The following KCNMA1 variants were observed in gnomAD, a reference collection of about 807,000 sequenced individuals.
The protein encoded by KCNMA1 is potassium calcium-activated channel subfamily M alpha 1.
In KCNMA1, 29 loss-of-function variants were observed where a neutral mutation model predicts 140.0. The observed-to-expected ratio is 0.21, with a 90% CI of 0.15 to 0.28. KCNMA1 has a LOEUF of 0.28. Among genes scored for constraint, KCNMA1 ranks in the 10% least tolerant of loss-of-function variants. The pLI, the probability that KCNMA1 is intolerant of heterozygous loss-of-function variation, is 1.00. For missense variants in KCNMA1, 880 were observed against 1,602.2 expected (o/e 0.55, Z 7.70); for synonymous variants, 612 against 611.9 (o/e 1.00, Z 0.00).
chr10:77,310,442 T>A (rs1367144758), intron 2 of KCNMA1, among the ~76,000 whole-genome samples: 2 of 152,176 alleles, frequency 1.3e-5, no homozygotes, highest in African/African-American at 4.8e-5. Flanking sequence ...CCAGATACCA[T>A]CTTAGGCACA....
intron 1 of KCNMA1, among the ~76,000 whole-genome samples, chr10:77,496,553 C>T (rs1178278987): frequency 4.9e-5 from 7 of 142,160 alleles, no homozygotes; most frequent in Admixed American, 3.7e-4. Flanking sequence ...GCCAAGATTG[C>T]GCCACTGCAC....
Position 77,636,193 on chromosome 10 carries a change from ACT to A in KCNMA1, c.378+1070_378+1071del, listed in dbSNP as rs2093703313. On this transcript the variant is annotated intron_variant, in intron 1 of 27. Coordinates refer to ENST00000286628, the MANE Select transcript of KCNMA1 (RefSeq NM_001161352.2). ...TACTCAGAAAGAAGGCAGCTGGCTC[ACT>A]CTCTTTTTTCCAGTTCTTTCTTTTT... 1.3e-5 allele frequency: 19 copies of A among 1,423,110 alleles called. No homozygotes were observed. The South Asian group carries it at 2.8e-4, about 21-fold the overall frequency. The allele number at this position is 1,423,110 out of a possible 1,614,324, so 88.2% of individuals were successfully genotyped here. A position where few individuals can be genotyped will look rare whatever the true frequency, so the allele number is the denominator to read the frequency against.
intron 22 of KCNMA1, 66 bp from the exon 23 acceptor site, chr10:76,945,031 G>GA: frequency 1.9e-5 from 25 of 1,290,706 alleles, no homozygotes; most frequent in Non-Finnish European, 2.6e-5. Flanking sequence ...GAGAGAGAGA[G>GA]GAGCAAAAGT....
Position 77,403,968 on chromosome 10 carries a change from A to G in KCNMA1, c.434T>C (p.Val145Ala). ...GGCCACTGCCTCCTCTTTTTCATCC[A>G]CTGGTTTGAGAGTGCCATCCGCCTG... ...SSQADGTLKPVDEKEEAVAAE... is the reference protein window; with the variant it reads ...SSQADGTLKPADEKEEAVAAE... The change falls in exon 2 of 28, where the codon GTG (valine) becomes GCG (alanine). Residue 145 changes from valine to alanine, a missense_variant. Coordinates refer to ENST00000286628, the MANE Select transcript of KCNMA1 (RefSeq NM_001161352.2). 1 of 1,613,988 alleles carries G rather than the reference A, an allele frequency of 6.2e-7. No individual in the cohort carries two copies. Among genetic ancestry groups the G allele is most frequent in the African/African-American group, 1.3e-5 (1 of 74,984 alleles).
At chr10:76,968,861 A>G (rs1169891898) in intron 20 of KCNMA1, among the ~76,000 whole-genome samples, 1 of 152,158 alleles carries the variant, frequency 6.6e-6, no homozygotes, top group Non-Finnish European at 1.5e-5. Context: ...GCCCTTGCCT[A>G]TTTTCCAGAA....
chr10:77,329,038 C>T (rs535879692), intron 2 of KCNMA1, among the ~76,000 whole-genome samples: 1 of 152,136 alleles, frequency 6.6e-6, no homozygotes, highest in South Asian at 2.1e-4. Context: ...GACAGGGTTT[C>T]ACCATGTTAA....
chr10:77,402,014 A>T (rs1469351657), intron 2 of KCNMA1, among the ~76,000 whole-genome samples: 4 of 152,244 alleles, frequency 2.6e-5, no homozygotes, highest in Non-Finnish European at 5.9e-5. Flanking sequence ...AACTCTTGCA[A>T]TGCTGATGAA....
Position 77,321,364 on chromosome 10 carries a change from A to T in KCNMA1, c.541-70108T>A, listed in dbSNP as rs1018990909. Among the ~76,000 whole-genome samples the T allele has an allele frequency of 3.9e-5, 6 of 152,352 alleles. No homozygotes were observed. In the East Asian group the frequency reaches 1.2e-3, roughly 29 times the overall value. On this transcript the variant is annotated intron_variant, in intron 2 of 27. Coordinates refer to ENST00000286628, the MANE Select transcript of KCNMA1 (RefSeq NM_001161352.2). The stretch of plus-strand genomic sequence containing the variant: ...TGCCATACCCAGAGGAGAAAGCATC[A>T]GATTAGGTAACTCTGCTTAGTGGTA...
At chr10:77,386,073 C>T (rs1418871734) in intron 2 of KCNMA1, among the ~76,000 whole-genome samples, 2 of 152,198 alleles carry the variant, frequency 1.3e-5, no homozygotes, top group Non-Finnish European at 2.9e-5. Flanking sequence ...AAACAAGTTC[C>T]AAGGAGCACT....
At chr10:77,362,039 G>A (rs1422561440) in intron 2 of KCNMA1, among the ~76,000 whole-genome samples, 2 of 152,140 alleles carry the variant, frequency 1.3e-5, no homozygotes, top group Non-Finnish European at 2.9e-5. Context: ...GTGGCTGCTG[G>A]CAGTTGATAG....
At chr10:77,443,411 C>T (rs1228425563) in intron 1 of KCNMA1, among the ~76,000 whole-genome samples, 1 of 152,076 alleles carries the variant, frequency 6.6e-6, no homozygotes, top group Non-Finnish European at 1.5e-5. Context: ...GAAAATTATT[C>T]TTAGGCTGGG....
chr10:77,561,237 T>G (rs1013346984), intron 1 of KCNMA1, among the ~76,000 whole-genome samples: 1 of 152,170 alleles, frequency 6.6e-6, no homozygotes, highest in Non-Finnish European at 1.5e-5. Context: ...CTGGATGGTA[T>G]AGTAGTTATC....
chr10:77,605,933 G>A (rs1293579184), intron 1 of KCNMA1, among the ~76,000 whole-genome samples: 2 of 152,220 alleles, frequency 1.3e-5, no homozygotes, highest in African/African-American at 2.4e-5. Context: ...ATCAGCAGCC[G>A]AGCTGGAACT....
At chr10:77,495,586 C>T (rs560594573) in intron 1 of KCNMA1, among the ~76,000 whole-genome samples, 6 of 152,334 alleles carry the variant, frequency 3.9e-5, no homozygotes, top group African/African-American at 7.2e-5. Flanking sequence ...GGAGAAAAAA[C>T]GAACTCTCCA....
intron 1 of KCNMA1, among the ~76,000 whole-genome samples, chr10:77,542,616 A>G (rs2060446290): frequency 6.6e-6 from 1 of 152,194 alleles, no homozygotes; most frequent in South Asian, 2.1e-4. Context: ...GCTTTTGGAG[A>G]AAGATGGCAG....
chr10:77,228,154 G>A (rs1468523518), intron 3 of KCNMA1, among the ~76,000 whole-genome samples: 2 of 151,774 alleles, frequency 1.3e-5, no homozygotes, highest in African/African-American at 2.4e-5. Flanking sequence ...TCGTAGAGAC[G>A]GGGTTTCACC....
At chr10:77,442,763 G>A (rs2097435063) in intron 1 of KCNMA1, among the ~76,000 whole-genome samples, 1 of 152,096 alleles carries the variant, frequency 6.6e-6, no homozygotes, top group Admixed American at 6.5e-5. Context: ...TAAGTTGTTG[G>A]TTTCTCCACG....
At chr10:77,084,014 T>C (rs2096641253) in intron 12 of KCNMA1, among the ~76,000 whole-genome samples, 1 of 152,214 alleles carries the variant, frequency 6.6e-6, no homozygotes. Flanking sequence ...ACAGCCTAAC[T>C]GGTCACTAAA....
At chr10:77,179,519 C>T (rs1417854325) in intron 5 of KCNMA1, among the ~76,000 whole-genome samples, 1 of 152,144 alleles carries the variant, frequency 6.6e-6, no homozygotes, top group Non-Finnish European at 1.5e-5. Context: ...TCTCTTCCCT[C>T]TCTTCCTGCC....
Sources: allele counts gnomAD v4.1 joint callset (sites outside exome capture counted in the v4.1 genomes callset), GRCh38; gene constraint gnomAD v4.1.1; transcripts MANE v1.5; gene names NCBI Gene and HGNC (gene_info 2026-07-23, HGNC 2026-07-21).